The following LUZP1 variants were observed in gnomAD, a reference collection of about 807,000 sequenced individuals.
The protein encoded by LUZP1 is filamin mechanobinding actin cross-linking protein.
LUZP1 carries 25 observed loss-of-function variants against 71.3 expected under a neutral mutation model. That is an observed-to-expected ratio of 0.35 (90% CI 0.26 to 0.49). The LOEUF is 0.49. Among genes scored for constraint, LUZP1 ranks in the 20% least tolerant of loss-of-function variants. The pLI, the probability that LUZP1 is intolerant of heterozygous loss-of-function variation, is 0.99. For synonymous variants in LUZP1, 481 were observed against 506.4 expected, an observed-to-expected ratio of 0.95 and a Z score of 0.67; for missense variants, 1,142 against 1,300.8, an observed-to-expected ratio of 0.88 and a Z score of 1.88.
chr1:23,123,717 T>C (rs1050471756), intron 2 of LUZP1, among the ~76,000 whole-genome samples: 1 of 152,126 alleles, frequency 6.6e-6, no homozygotes, highest in Non-Finnish European at 1.5e-5. Flanking sequence ...TCTCAGGCCC[T>C]GAGGTAAGCC....
At chr1:23,133,458 A>G (rs1374211352) in intron 2 of LUZP1, 1 of 152,170 alleles carries the variant, frequency 6.6e-6, no homozygotes, top group Non-Finnish European at 1.5e-5. Context: ...GGAAAGATAA[A>G]ACTTACCATC....
chr1:23,150,621 A>C (rs531389093), intron 2 of LUZP1, among the ~76,000 whole-genome samples: 25 of 152,286 alleles, frequency 1.6e-4, no homozygotes, highest in Admixed American at 7.2e-4. Context: ...ATACTGAGGC[A>C]ATAAGGCAGA....
chr1:23,139,360 A>G (rs115144386), intron 2 of LUZP1, among the ~76,000 whole-genome samples: 1,771 of 152,188 alleles, frequency 0.012, 21 homozygotes, highest in African/African-American at 0.039. Flanking sequence ...AAGTGCAACA[A>G]CAGATGTACA....
Position 23,094,015 on chromosome 1 carries a change from T to G in LUZP1, c.247A>C (p.Lys83Gln). 1 of 1,614,196 alleles carries G rather than the reference T, an allele frequency of 6.2e-7. No individual in the cohort carries two copies. The change falls in exon 4 of 5, where the codon AAG becomes CAG. Residue 83 changes from lysine (K) to glutamine (Q), a missense_variant. Coordinates refer to ENST00000302291, the Ensembl canonical transcript of LUZP1. This position sits in a 1 kb window ranked among gnomAD's most constrained non-coding sequence, Gnocchi z 4.7. ...AGACGACACAGATCCTCTGCTCTCT[T>G]AATTTCCTCGTCTTTGCCTTCAATT...
At chr1:23,137,017 T>C (rs1350645272) in intron 2 of LUZP1, among the ~76,000 whole-genome samples, 1 of 152,248 alleles carries the variant, frequency 6.6e-6, no homozygotes, top group Non-Finnish European at 1.5e-5. Context: ...TGGTGCTATC[T>C]GTCATATGGC....
At chr1:23,162,394 G>A (rs905856569) in intron 2 of LUZP1, among the ~76,000 whole-genome samples, 1 of 151,562 alleles carries the variant, frequency 6.6e-6, no homozygotes, top group African/African-American at 2.4e-5. Flanking sequence ...TTCTGTATAT[G>A]TATTATATAC....
At chr1:23,116,999 T>C (rs1644084649) in intron 2 of LUZP1, among the ~76,000 whole-genome samples, 1 of 152,220 alleles carries the variant, frequency 6.6e-6, no homozygotes, top group East Asian at 1.9e-4. Context: ...TACTAAGCTG[T>C]ACCTATTAGA....
intron 2 of LUZP1, among the ~76,000 whole-genome samples, chr1:23,138,230 T>TC (rs1307058042): frequency 1.3e-5 from 2 of 152,094 alleles, no homozygotes; most frequent in African/African-American, 4.8e-5. Flanking sequence ...CGCCTCAGCT[T>TC]CCCAAAGAGC....
At chr1:23,136,295 AAC>A (rs10578041) in intron 2 of LUZP1, among the ~76,000 whole-genome samples, 34,024 of 129,922 alleles carry the variant, frequency 0.26, 4,581 homozygotes, top group Non-Finnish European at 0.33. Flanking sequence ...TTCCGTCTTA[AAC>A]ACACACACAC....
intron 2 of LUZP1, among the ~76,000 whole-genome samples, chr1:23,164,385 C>A (rs1170768691): frequency 6.6e-6 from 1 of 151,820 alleles, no homozygotes; most frequent in Non-Finnish European, 1.5e-5. Context: ...GTCCCAGCTA[C>A]TCGGGAGGCT....
chr1:23,140,198 A>G (rs1644291551), intron 2 of LUZP1: 1 of 151,736 alleles, frequency 6.6e-6, no homozygotes, highest in South Asian at 2.1e-4. Context: ...TCACTCCTGT[A>G]GTAGCACCTA....
intron 3 of LUZP1, among the ~76,000 whole-genome samples, chr1:23,098,723 G>A (rs543371122): frequency 6.6e-6 from 1 of 152,168 alleles, no homozygotes; most frequent in Non-Finnish European, 1.5e-5. Flanking sequence ...TGAAGAAACA[G>A]TCTGAGACAT....
chr1:23,119,958 T>A (rs78454597), intron 2 of LUZP1, among the ~76,000 whole-genome samples: 1 of 151,788 alleles, frequency 6.6e-6, no homozygotes, highest in South Asian at 2.1e-4. Context: ...TTTTTTTTTT[T>A]AAAGACAGAG....
intron 2 of LUZP1, among the ~76,000 whole-genome samples, chr1:23,127,991 T>C (rs987369082): frequency 2.6e-5 from 4 of 151,732 alleles, no homozygotes; most frequent in African/African-American, 9.7e-5. Context: ...ATTAGCTGGG[T>C]GTGGTGGCAC....
At chr1:23,148,942 G>A (rs991418783) in intron 2 of LUZP1, among the ~76,000 whole-genome samples, 3 of 151,706 alleles carry the variant, frequency 2.0e-5, no homozygotes, top group Admixed American at 2.0e-4. Flanking sequence ...TTAGCCAGGT[G>A]TGGTGGCACA....
At chr1:23,109,086 A>G (rs1447271782) in exon 3 of LUZP1, 1 of 152,206 alleles carries the variant, frequency 6.6e-6, no homozygotes. Context: ...GCTGTTTTGG[A>G]AACAGTCACT....
At chr1:23,152,106 T>C (rs1644389583) in intron 2 of LUZP1, among the ~76,000 whole-genome samples, 1 of 151,738 alleles carries the variant, frequency 6.6e-6, no homozygotes, top group Admixed American at 6.6e-5. Flanking sequence ...AACTAAACCA[T>C]CCAAGCTGAA....
intron 1 of LUZP1, among the ~76,000 whole-genome samples, chr1:23,173,565 C>G (rs1644565836): frequency 6.6e-6 from 1 of 151,902 alleles, no homozygotes. Context: ...CCATGCTGCC[C>G]AGGCTGGTCT....
chr1:23,144,250 G>A (rs1331439088), intron 2 of LUZP1, among the ~76,000 whole-genome samples: 1 of 152,182 alleles, frequency 6.6e-6, no homozygotes, highest in East Asian at 1.9e-4. Flanking sequence ...GAGATGGAAA[G>A]AGTACATCTG....
Sources: allele counts gnomAD v4.1 joint callset (sites outside exome capture counted in the v4.1 genomes callset), GRCh38; gene constraint gnomAD v4.1.1; non-coding constraint Gnocchi (gnomAD v3.1); transcripts MANE v1.5; gene names NCBI Gene and HGNC (gene_info 2026-07-23, HGNC 2026-07-21).